GPT: variants seen among roughly 807,000 people sequenced by gnomAD.
GPT encodes the protein alanine aminotransferase 1.
In GPT, 60 loss-of-function variants were observed where a neutral mutation model predicts 51.4. The ratio of observed to expected loss-of-function variants is 1.17; its 90% CI spans 0.95 to 1.45. The LOEUF (loss-of-function observed/expected upper bound fraction) is 1.45, where lower values mean the gene tolerates loss of function less well. Ranked by LOEUF, GPT falls within the 40% of genes most tolerant of loss-of-function variation. The probability of loss-of-function intolerance (pLI) is 0.00; values close to 1 mark genes in which losing one functional copy is unlikely to be tolerated. For synonymous variants in GPT, 397 were observed against 303.1 expected, an observed-to-expected ratio of 1.31 and a Z score of -3.22; for missense variants, 853 against 704.0, an observed-to-expected ratio of 1.21 and a Z score of -2.40.
Position 144,506,691 on chromosome 8 carries a change from G to T in GPT, c.1287+35G>T, listed in dbSNP as rs772924716. 10 of 1,592,208 alleles carry T rather than the reference G, an allele frequency of 6.3e-6. No homozygotes were observed. Among genetic ancestry groups the T allele is most frequent in the Non-Finnish European group, 8.5e-6 (10 of 1,169,612 alleles). ...GGGCGGGGCCTGCGGGGTGGGCAGG[G>T]GGGGCCGGGCATCCCTCTCTGACGG... is the stretch of plus-strand genomic sequence containing the variant. On this transcript the variant is annotated intron_variant, in intron 9 of 10. Transcript: ENST00000394955. The surrounding 1 kb of genome is among the most constrained non-coding windows in gnomAD (Gnocchi z 7.0).
chr8:144,506,539 C>T lies in GPT; in HGVS notation c.1170C>T (p.Ala390=). ...QAVLAELAAK[A]KLTEQVFNEA... ...TGCTGGCAGAGCTGGCGGCCAAGGC[C>T]AAGCTCACCGAGCAGGTCTTCAATG... Residue 390 remains alanine (A), a synonymous_variant, in exon 9 of 11, where the codon GCC becomes GCT. Coordinates refer to ENST00000394955, the MANE Select transcript of GPT (RefSeq NM_005309.3). This position sits in a 1 kb window ranked among gnomAD's most constrained non-coding sequence, Gnocchi z 7.0. 1 of 1,594,186 alleles carries T rather than the reference C, an allele frequency of 6.3e-7. No homozygotes were observed. The highest frequency in any genetic ancestry group is 8.5e-7 in the Non-Finnish European group (1 of 1,171,680).
upstream of GPT, among the ~76,000 whole-genome samples, chr8:144,503,574 C>T (rs1406813063): frequency 6.6e-6 from 1 of 151,830 alleles, no homozygotes; most frequent in African/African-American, 2.4e-5. Flanking sequence ...CATCAGGGAC[C>T]AAGGTCCAGC....
rs779122855 is a variant in GPT at position 144,506,428 on chromosome 8, G to T, written c.1131+22G>T. 7.3e-5 allele frequency: 114 copies of T among 1,562,774 alleles called. No individual in the cohort carries two copies. Among genetic ancestry groups the T allele is most frequent in the Middle Eastern group, 3.3e-4 (2 of 6,028 alleles). On this transcript the variant is annotated intron_variant, in intron 8 of 10. Transcript: ENST00000394955. The surrounding 1 kb of genome is among the most constrained non-coding windows in gnomAD (Gnocchi z 7.0). ...GGCTGTGAGTTGGGGGCAGGAGGGG[G>T]TCCAGGTGACCTAATCAGGGGTGGG...
chr8:144,505,204 C>T, intron 4 of GPT, 42 bp from the exon 5 acceptor site: 2 of 1,612,138 alleles, frequency 1.2e-6, no homozygotes, highest in South Asian at 2.2e-5. Flanking sequence ...ACAGGTGCGG[C>T]CCCAGGCCTC....
upstream of GPT, among the ~76,000 whole-genome samples, chr8:144,503,497 G>A (rs1007459084): frequency 2.0e-5 from 3 of 152,120 alleles, no homozygotes; most frequent in African/African-American, 4.8e-5. Context: ...GCCACGGTGT[G>A]AGCTGTCCCA....
chr8:144,503,816 C>CT (rs761757558), upstream of GPT: 8 of 191,238 alleles, frequency 4.2e-5, no homozygotes, highest in Non-Finnish European at 8.7e-5. Context: ...CCAGTCTCGC[C>CT]TCGGGGGTCC....
In GPT at chr8:144,505,438, G is replaced by A; in HGVS notation, c.688G>A (p.Asp230Asn). 6.3e-7 allele frequency: 1 copy of A among 1,599,680 alleles called. No individual in the cohort carries two copies. Among genetic ancestry groups the A allele is most frequent in the Non-Finnish European group, 8.5e-7 (1 of 1,175,364 alleles). ...ELHRALGQAR[D>N]HCRPRALCVI... ...TCACCGTGCACTGGGCCAGGCGCGT[G>A]ACCACTGCCGCCCTCGTGCGCTCTG... Residue 230 changes from aspartate (D) to asparagine (N), a missense_variant, in exon 5 of 11, where the codon GAC becomes AAC. Asp to Asn is a conservative substitution (Grantham distance 23, BLOSUM62 1). Transcript: ENST00000394955.
In GPT at chr8:144,506,832, C is replaced by T. The variant is rs765657098; in HGVS notation, c.1389C>T (p.Thr463=). The T allele has an allele frequency of 2.5e-6, 4 of 1,612,640 alleles. No individual in the cohort carries two copies. The African/African-American group carries it at 5.3e-5, about 22-fold the overall frequency. Residue 463 remains threonine, a synonymous_variant, in exon 10 of 11, where the codon ACC becomes ACT. Coordinates refer to ENST00000394955, the MANE Select transcript of GPT (RefSeq NM_005309.3). The surrounding 1 kb of genome is among the most constrained non-coding windows in gnomAD (Gnocchi z 7.0). ...PGSGFGQREG[T]YHFRMTILPP... ...GCGGCTTTGGGCAGCGGGAAGGCACCTACCACTTCCGGTGAGGCCTGGCCC... is the reference window on the plus strand; with the variant it reads ...GCGGCTTTGGGCAGCGGGAAGGCACTTACCACTTCCGGTGAGGCCTGGCCC...
Position 144,505,917 on chromosome 8 carries a change from T to A in GPT, c.809T>A (p.Leu270Gln). ...GCCTTCGAAGAGCGGCTCTTTCTGC[T>A]GGCGGACGAGGTGCGCGGCGCGGGG... Reference protein sequence around the residue: ...RFAFEERLFLLADEVYQDNVY... With the variant: ...RFAFEERLFLQADEVYQDNVY... The change falls in exon 6 of 11, where the codon CTG becomes CAG. Residue 270 changes from leucine to glutamine, a missense_variant. Transcript: ENST00000394955. 6.2e-7 allele frequency: 1 copy of A among 1,606,594 alleles called. No individual in the cohort carries two copies. The highest frequency in any genetic ancestry group is 8.5e-7 in the Non-Finnish European group (1 of 1,177,346).
At chr8:144,503,994 G>T, upstream of GPT, 1 of 476,906 alleles carries the variant, frequency 2.1e-6, no homozygotes, top group Non-Finnish European at 3.9e-6. Flanking sequence ...TCCCTTCGTG[G>T]GGACACTAGG....
Position 144,506,757 on chromosome 8 carries a change from C to T in GPT, c.1314C>T (p.Phe438=), listed in dbSNP as rs368335519. 3 of 1,612,192 alleles carry T rather than the reference C, an allele frequency of 1.9e-6. No homozygotes were observed. The highest frequency in any genetic ancestry group is 2.5e-6 in the Non-Finnish European group (3 of 1,179,904). Residue 438 remains phenylalanine (F), a synonymous_variant, in exon 10 of 11, where the codon TTC becomes TTT. Transcript: ENST00000394955. The surrounding 1 kb of genome is among the most constrained non-coding windows in gnomAD (Gnocchi z 7.0). ...AGCTGGGCCTGGCCCCCGATATGTT[C>T]TTCTGCCTGCGCCTCCTGGAGGAGA... ...AQELGLAPDM[F]FCLRLLEETG... is the part of the protein sequence containing the mutation.
Position 144,505,112 on chromosome 8 carries a change from G to A in GPT, c.476G>A (p.Gly159Glu), listed in dbSNP as rs1397260609. ...CCCAACAACGTCTTCCTGTCCACAG[G>A]GGCCAGCGATGCCATCGTGGTAGGC... ...ADPNNVFLST[G>E]ASDAIVTVLK... The change falls in exon 4 of 11, where the codon GGG becomes GAG. Residue 159 changes from glycine to glutamate, a missense_variant. Physicochemically the swap from Gly to Glu is moderately conservative, Grantham distance 98. Transcript: ENST00000394955. 1 of 1,613,088 alleles carries A rather than the reference G, an allele frequency of 6.2e-7. No homozygotes were observed. The highest frequency in any genetic ancestry group is 1.1e-5 in the South Asian group (1 of 91,090).
At chr8:144,503,463 G>A (rs1043762772), upstream of GPT, among the ~76,000 whole-genome samples, 1 of 152,132 alleles carries the variant, frequency 6.6e-6, no homozygotes, top group Non-Finnish European at 1.5e-5. Flanking sequence ...CCCAGCTGGT[G>A]CCTGGTGAAA....
At position 144,506,130 on chromosome 8, in the gene GPT, G is replaced by A. The variant is rs773126140; in HGVS notation, c.955G>A (p.Glu319Lys). 8.1e-6 allele frequency: 13 copies of A among 1,611,628 alleles called. No individual in the cohort carries two copies. Among genetic ancestry groups the A allele is most frequent in the African/African-American group, 2.7e-5 (2 of 74,906 alleles). Residue 319 changes from glutamate to lysine, a missense_variant and splice_region_variant, in exon 7 of 11, where the codon GAG (glutamate) becomes AAG (lysine). Transcript: ENST00000394955. The surrounding 1 kb of genome is among the most constrained non-coding windows in gnomAD (Gnocchi z 7.0). Reference protein sequence around the residue: ...FHSTSKGYMGECGFRGGYVEV... With the variant: ...FHSTSKGYMGKCGFRGGYVEV... ...CTCCACCTCCAAGGGCTACATGGGC[G>A]AGTGCGTGCGTACGAGGCGGGTGGG...
chr8:144,504,245 A>G lies in GPT; in HGVS notation c.-60A>G, dbSNP rs148879135. 4,093 of 1,576,544 alleles carry G rather than the reference A, an allele frequency of 2.6e-3. 9 individuals carry two copies. The highest frequency in any genetic ancestry group is 6.9e-3 in the African/African-American group (518 of 74,702). ...CACTAAGCCAGACCCAGCTGTCGCC[A>G]TTCCCACTTCTGGTCCTGCCACCTC... On this transcript the variant is annotated 5_prime_UTR_variant, in exon 1 of 11. Transcript: ENST00000394955.
chr8:144,505,844 CCAGGGCAGGT>C lies in GPT; in HGVS notation c.740-3_746del, dbSNP rs1180961390. 5 of 1,546,450 alleles carry C rather than the reference CCAGGGCAGGT, an allele frequency of 3.2e-6. No individual in the cohort carries two copies. Among genetic ancestry groups the C allele is most frequent in the Non-Finnish European group, 4.4e-6 (5 of 1,146,876 alleles). ...CCAGCACTGCTGCCTCCCCGGCACC[CCAGGGCAGGT>C]GCAGACCCGCGAGTGCATCGAGGCC... On this transcript the variant is annotated splice_acceptor_variant and splice_polypyrimidine_tract_variant and coding_sequence_variant and intron_variant, in exon 6 of 11. Coordinates refer to ENST00000394955, the MANE Select transcript of GPT (RefSeq NM_005309.3). LOFTEE classifies it high-confidence loss of function.
chr8:144,504,356 G>T lies in GPT; in HGVS notation c.52G>T (p.Ala18Ser). ...RSQAVRHGLR[A>S]KVLTLDGMNP... ...CCAGGCGGTGAGGCATGGACTGAGG[G>T]CGAAGGTGCTGACGCTGGACGGCAT... is the stretch of plus-strand genomic sequence containing the variant. Residue 18 changes from alanine (A) to serine (S), a missense_variant, in exon 1 of 11, where the codon GCG (alanine) becomes TCG (serine). Ala to Ser is a moderately conservative substitution (Grantham distance 99). Transcript: ENST00000394955. 2 of 1,611,274 alleles carry T rather than the reference G, an allele frequency of 1.2e-6. No homozygotes were observed. Among genetic ancestry groups the T allele is most frequent in the Non-Finnish European group, 8.5e-7 (1 of 1,179,936 alleles).
rs1826849919 is a variant in GPT at position 144,507,059 on chromosome 8, G to A, written c.*59G>A. On this transcript the variant is annotated 3_prime_UTR_variant, in exon 11 of 11. Transcript: ENST00000394955. ...GACTGTGTGCTCAGGAGCCCTGGGA[G>A]GCTCTGGAGCCCACTGTACTTGCTC... 4 of 1,171,910 alleles carry A rather than the reference G, an allele frequency of 3.4e-6. No homozygotes were observed. The highest frequency in any genetic ancestry group is 1.2e-5 in the South Asian group (1 of 81,882). The allele number at this position is 1,171,910 out of a possible 1,614,324, so 72.6% of individuals were successfully genotyped here. A position where few individuals can be genotyped will look rare whatever the true frequency, so the allele number is the denominator to read the frequency against.
In GPT at chr8:144,504,436, AGCCTTGGAGCTGGAGCAGGAGCTGC is replaced by A; in HGVS notation, c.136_160del (p.Leu46ArgfsTer3). 6.2e-7 allele frequency: 1 copy of A among 1,610,810 alleles called. No individual in the cohort carries two copies. The highest frequency in any genetic ancestry group is 8.5e-7 in the Non-Finnish European group (1 of 1,179,896). On this transcript the variant is annotated frameshift_variant, in exon 1 of 11. Transcript: ENST00000394955. LOFTEE classifies it high-confidence loss of function. ...CAGTGCGTGGCCCCATAGTGCAGCG[AGCCTTGGAGCTGGAGCAGGAGCTGC>A]GCCAGGTATGGCCCAGGGCCCCTCG...
Sources: gnomAD v4.1 joint callset for allele counts (sites outside exome capture counted in the v4.1 genomes callset) on GRCh38, gnomAD v4.1.1 for gene constraint, Gnocchi (gnomAD v3.1) non-coding constraint, MANE v1.5 for transcripts, NCBI Gene and HGNC (gene_info 2026-07-23, HGNC 2026-07-21) for gene names.